The following MPP7 variants were observed in gnomAD, a reference collection of about 807,000 sequenced individuals.
MPP7 encodes MAGUK p55 subfamily member 7.
Under a neutral mutation model 76.5 loss-of-function variants are expected in MPP7, and 60 were observed. The observed-to-expected ratio is 0.78, with a 90% CI of 0.64 to 0.97. The LOEUF is 0.97. Ranked by LOEUF, MPP7 falls within the 50% of genes least tolerant of loss-of-function variation. The probability of loss-of-function intolerance (pLI) is 0.00; values close to 1 mark genes in which losing one functional copy is unlikely to be tolerated. For synonymous variants in MPP7, 237 were observed against 244.5 expected (o/e 0.97, Z 0.29); for missense variants, 641 against 694.0 (o/e 0.92, Z 0.86).
chr10:28,231,184 A>G (rs1838870540), intron 2 of MPP7, among the ~76,000 whole-genome samples: 2 of 151,722 alleles, frequency 1.3e-5, no homozygotes, highest in Non-Finnish European at 2.9e-5. Context: ...AAAAAAAAAA[A>G]TGAAAAAAAC....
Position 28,095,218 on chromosome 10 carries a change from T to C in MPP7, c.953-5377A>G, listed in dbSNP as rs897653791. The stretch of plus-strand genomic sequence containing the variant: ...GCATATATATATATATATATATATA[T>C]ATATACAGAAACATATATACATGTA... On this transcript the variant is annotated intron_variant, in intron 11 of 16. Coordinates refer to ENST00000683449, the MANE Select transcript of MPP7 (RefSeq NM_001318170.2). Among the ~76,000 whole-genome samples, 167 of 118,846 alleles carry C rather than the reference T, an allele frequency of 1.4e-3. 2 individuals are homozygous for C. Among genetic ancestry groups the C allele is most frequent in the African/African-American group, 4.6e-3 (153 of 33,388 alleles). 78.0% of individuals were successfully genotyped at this position (118,846 alleles called of 152,430 possible).
chr10:28,215,166 C>T lies in MPP7; in HGVS notation c.38-12895G>A, dbSNP rs150572329. On this transcript the variant is annotated intron_variant, in intron 2 of 16. Transcript: ENST00000683449. ...AATTTCTTTAAATTATCTTTAAAAA[C>T]TCTGCTCCCCAGTGCTCAGGAGATT... Among the ~76,000 whole-genome samples the T allele has an allele frequency of 4.8e-3, 729 of 152,262 alleles. 5 individuals carry two copies. Among genetic ancestry groups the T allele is most frequent in the Non-Finnish European group, 8.4e-3 (574 of 68,016 alleles).
At chr10:28,280,328 C>T (rs1292496564) in intron 1 of MPP7, among the ~76,000 whole-genome samples, 1 of 152,060 alleles carries the variant, frequency 6.6e-6, no homozygotes, top group East Asian at 1.9e-4. Flanking sequence ...ATAACCTGTG[C>T]ATATCCTCCT....
At chr10:28,054,617 A>G (rs1462693351) in intron 16 of MPP7, among the ~76,000 whole-genome samples, 3 of 152,208 alleles carry the variant, frequency 2.0e-5, no homozygotes, top group African/African-American at 7.2e-5. Flanking sequence ...ATAGGAAGGA[A>G]TTTATAATAT....
At chr10:28,156,773 C>T (rs1403679325) in intron 3 of MPP7, among the ~76,000 whole-genome samples, 1 of 152,186 alleles carries the variant, frequency 6.6e-6, no homozygotes, top group Non-Finnish European at 1.5e-5. Context: ...TGTTTATTAA[C>T]AGGTTCAAAA....
At chr10:28,269,657 G>T (rs1275656180) in intron 1 of MPP7, among the ~76,000 whole-genome samples, 1 of 151,208 alleles carries the variant, frequency 6.6e-6, no homozygotes, top group Non-Finnish European at 1.5e-5. Flanking sequence ...CTCCCAAGTA[G>T]CTGGGACTAG....
At chr10:28,304,944 G>A (rs57441879), upstream of MPP7, among the ~76,000 whole-genome samples, 18,007 of 151,988 alleles carry the variant, frequency 0.12, 1,705 homozygotes, top group East Asian at 0.48. Context: ...ACTTGCAGCT[G>A]TTTTTATCAG....
intron 13 of MPP7, among the ~76,000 whole-genome samples, chr10:28,065,939 A>G (rs1297195031): frequency 6.6e-6 from 1 of 152,204 alleles, no homozygotes; most frequent in Non-Finnish European, 1.5e-5. Context: ...CTACCATAAT[A>G]ATTTTTGTTA....
intron 3 of MPP7, among the ~76,000 whole-genome samples, chr10:28,158,234 A>T (rs1836135202): frequency 1.3e-5 from 2 of 152,186 alleles, no homozygotes; most frequent in Admixed American, 1.3e-4. Flanking sequence ...GAAAAACTCC[A>T]AACAGCTGAA....
Position 28,189,004 on chromosome 10 carries a change from A to G in MPP7, c.156+13149T>C, listed in dbSNP as rs143088414. On this transcript the variant is annotated intron_variant, in intron 3 of 16. Coordinates refer to ENST00000683449, the MANE Select transcript of MPP7 (RefSeq NM_001318170.2). The stretch of plus-strand genomic sequence containing the variant: ...AGAGAGAAAGAAAATCATGTAGGTC[A>G]GACCCTCGGATCTACACAAAAAAAA... Among the ~76,000 whole-genome samples, 1,105 of 122,524 alleles carry G rather than the reference A, an allele frequency of 9.0e-3. 5 individuals carry two copies. The highest frequency in any genetic ancestry group is 0.011 in the Non-Finnish European group (605 of 55,460). 80.4% of individuals were successfully genotyped at this position (122,524 alleles called of 152,430 possible).
chr10:28,056,216 A>C (rs1276839676), intron 16 of MPP7, among the ~76,000 whole-genome samples: 1 of 151,020 alleles, frequency 6.6e-6, no homozygotes, highest in South Asian at 2.1e-4. Flanking sequence ...GGAGTGTAGT[A>C]GTGTGATCTC....
At chr10:28,254,200 A>C (rs1839712848) in intron 1 of MPP7, among the ~76,000 whole-genome samples, 1 of 152,160 alleles carries the variant, frequency 6.6e-6, no homozygotes, top group Admixed American at 6.5e-5. Context: ...AAGATTACTG[A>C]GAAAAATCAT....
chr10:28,310,911 C>G (rs11007005), intron 2 of MPP7, among the ~76,000 whole-genome samples: 14,667 of 152,116 alleles, frequency 0.096, 1,194 homozygotes, highest in East Asian at 0.42. Flanking sequence ...TGGCAAAACC[C>G]TTAATTAATT....
chr10:28,244,454 T>C (rs1839367833), intron 1 of MPP7, among the ~76,000 whole-genome samples: 1 of 152,150 alleles, frequency 6.6e-6, no homozygotes, highest in Non-Finnish European at 1.5e-5. Flanking sequence ...ATTAGGATGT[T>C]GTATGTAAGA....
intron 1 of MPP7, among the ~76,000 whole-genome samples, chr10:28,271,777 C>A (rs1284750883): frequency 6.6e-6 from 1 of 152,072 alleles, no homozygotes; most frequent in African/African-American, 2.4e-5. Flanking sequence ...AGATCAAGAC[C>A]ATCTTGGCTA....
chr10:28,293,495 G>A (rs1013752796), intron 1 of MPP7, among the ~76,000 whole-genome samples: 8 of 152,216 alleles, frequency 5.3e-5, no homozygotes, highest in African/African-American at 1.9e-4. Context: ...CGTACTTAAG[G>A]GAATTATGCA....
At chr10:28,137,547 C>CTTAGCT in intron 5 of MPP7, among the ~76,000 whole-genome samples, 1 of 152,316 alleles carries the variant, frequency 6.6e-6, no homozygotes, top group African/African-American at 2.4e-5. Flanking sequence ...ATTTTTTCTA[C>CTTAGCT]TTAGCTTTGT....
chr10:28,143,942 C>T (rs371865129), intron 5 of MPP7, among the ~76,000 whole-genome samples: 18 of 150,922 alleles, frequency 1.2e-4, no homozygotes, highest in African/African-American at 4.4e-4. Flanking sequence ...TAGAGTGAAG[C>T]GGCGTGATCT....
intron 2 of MPP7, among the ~76,000 whole-genome samples, chr10:28,321,734 G>T (rs1373354948): frequency 6.6e-6 from 1 of 152,046 alleles, no homozygotes; most frequent in Non-Finnish European, 1.5e-5. Flanking sequence ...ACAAGCATGT[G>T]CCACCACACC....
Sources: gnomAD v4.1 joint callset for allele counts (sites outside exome capture counted in the v4.1 genomes callset) on GRCh38, gnomAD v4.1.1 for gene constraint, MANE v1.5 for transcripts, NCBI Gene and HGNC (gene_info 2026-07-23, HGNC 2026-07-21) for gene names.